RUNX1: variants seen among roughly 807,000 people sequenced by gnomAD.
RUNX1 encodes RUNX family transcription factor 1.
A neutral mutation model predicts 42.8 loss-of-function variants in RUNX1; 19 were observed. The ratio of observed to expected loss-of-function variants is 0.44; its 90% CI spans 0.31 to 0.65. The LOEUF (loss-of-function observed/expected upper bound fraction) is 0.65. Among genes scored for constraint, RUNX1 ranks in the 30% least tolerant of loss-of-function variants. The pLI, the probability that RUNX1 is intolerant of heterozygous loss-of-function variation, is 0.07. For synonymous variants in RUNX1, 271 were observed against 289.4 expected, an observed-to-expected ratio of 0.94 and a Z score of 0.64; for missense variants, 528 against 672.0, an observed-to-expected ratio of 0.79 and a Z score of 2.37.
intron 2 of RUNX1, among the ~76,000 whole-genome samples, chr21:34,983,127 G>A (rs974574589): frequency 6.6e-6 from 1 of 152,152 alleles, no homozygotes; most frequent in African/African-American, 2.4e-5. Context: ...ACCAGCAAGC[G>A]CATGAGGTAG....
At chr21:34,856,589 T>G in intron 6 of RUNX1, 1 of 380,320 alleles carries the variant, frequency 2.6e-6, no homozygotes, top group African/African-American at 2.1e-5. Flanking sequence ...CATCATCAAC[T>G]ATCTCTTTTA....
chr21:35,010,165 A>G (rs1350390384), intron 2 of RUNX1, among the ~76,000 whole-genome samples: 2 of 151,956 alleles, frequency 1.3e-5, no homozygotes, highest in Non-Finnish European at 2.9e-5. Flanking sequence ...AAGGCATACA[A>G]AACCATATTG....
intron 7 of RUNX1, among the ~76,000 whole-genome samples, chr21:34,824,750 A>G (rs2056963570): frequency 6.6e-6 from 1 of 152,196 alleles, no homozygotes; most frequent in Non-Finnish European, 1.5e-5. Context: ...CAGGTAATGA[A>G]AGTCCCTCCG....
intron 2 of RUNX1, among the ~76,000 whole-genome samples, chr21:34,972,228 G>A (rs956710912): frequency 2.6e-5 from 4 of 152,010 alleles, no homozygotes; most frequent in African/African-American, 9.7e-5. Flanking sequence ...GACCACTGGG[G>A]GCCTTGAATT....
intron 5 of RUNX1, among the ~76,000 whole-genome samples, chr21:34,867,590 G>A (rs2146284046): frequency 6.6e-6 from 1 of 152,348 alleles, no homozygotes; most frequent in East Asian, 1.9e-4. Context: ...GTTTGCAAAA[G>A]GAGTGGAGGG....
In RUNX1 at chr21:34,792,318, G is replaced by GCCC; in HGVS notation, c.1257_1259dup (p.Gly421dup). On this transcript the variant is annotated inframe_insertion, in exon 9 of 9. Coordinates refer to ENST00000675419, the MANE Select transcript of RUNX1 (RefSeq NM_001754.5). This position sits in a 1 kb window ranked among gnomAD's most constrained non-coding sequence, Gnocchi z 6.9. ...GGATGCGCGGCGGCGAGCGCTCGCC[G>GCCC]CCCACCATGGAGAACTGGTAGGAGC... The GCCC allele has an allele frequency of 1.4e-6, 2 of 1,470,116 alleles. No individual in the cohort carries two copies. Among genetic ancestry groups the GCCC allele is most frequent in the Non-Finnish European group, 9.1e-7 (1 of 1,099,458 alleles). The allele number at this position is 1,470,116 out of a possible 1,614,324, so 91.1% of individuals were successfully genotyped here.
chr21:34,961,742 A>C (rs923305682), intron 2 of RUNX1, among the ~76,000 whole-genome samples: 2 of 152,174 alleles, frequency 1.3e-5, no homozygotes, highest in African/African-American at 2.4e-5. Flanking sequence ...TTGCCAAATA[A>C]ATTTTCCATA....
At chr21:35,004,555 C>G (rs534602378) in intron 2 of RUNX1, among the ~76,000 whole-genome samples, 3 of 152,178 alleles carry the variant, frequency 2.0e-5, no homozygotes, top group Non-Finnish European at 4.4e-5. Flanking sequence ...AAAGCTTACA[C>G]TAGAACCTGG....
At chr21:35,001,084 A>G (rs1450691240) in intron 2 of RUNX1, among the ~76,000 whole-genome samples, 1 of 152,098 alleles carries the variant, frequency 6.6e-6, no homozygotes, top group African/African-American at 2.4e-5. Context: ...CGTTCCCTCC[A>G]TCTACCAGTC....
intron 4 of RUNX1, among the ~76,000 whole-genome samples, chr21:34,883,185 A>G (rs2057931232): frequency 6.6e-6 from 1 of 152,222 alleles, no homozygotes; most frequent in Admixed American, 6.5e-5. Context: ...GCTAAATAAG[A>G]AAAGGCTGTT....
chr21:34,947,285 C>T (rs557797237), intron 2 of RUNX1, among the ~76,000 whole-genome samples: 3 of 152,084 alleles, frequency 2.0e-5, no homozygotes, highest in Non-Finnish European at 4.4e-5. Flanking sequence ...TTTTTGGCTA[C>T]CATTACTCTC....
chr21:34,912,306 A>G (rs1421010618), intron 2 of RUNX1, among the ~76,000 whole-genome samples: 2 of 150,972 alleles, frequency 1.3e-5, no homozygotes, highest in Admixed American at 6.6e-5. Flanking sequence ...CTCTTCTATC[A>G]CTGGGTGGCA....
chr21:34,794,523 T>C (rs1204225590), intron 8 of RUNX1, among the ~76,000 whole-genome samples: 1 of 152,200 alleles, frequency 6.6e-6, no homozygotes, highest in East Asian at 1.9e-4. Flanking sequence ...CATGTGGAAA[T>C]TTTACCAGAA....
At chr21:34,883,524 T>G (rs13053063) in intron 4 of RUNX1, among the ~76,000 whole-genome samples, 25,197 of 152,142 alleles carry the variant, frequency 0.17, 2,928 homozygotes, top group African/African-American at 0.32. Flanking sequence ...TGTAAAAATA[T>G]CTAACTTCAA....
At chr21:34,989,014 C>CTT (rs1555912714) in intron 2 of RUNX1, among the ~76,000 whole-genome samples, 1 of 145,854 alleles carries the variant, frequency 6.9e-6, no homozygotes, top group Non-Finnish European at 1.5e-5. Flanking sequence ...CTCTCTCTCT[C>CTT]TTTTTTTTTT....
chr21:34,815,098 C>G (rs972470517), intron 7 of RUNX1, among the ~76,000 whole-genome samples: 3 of 152,076 alleles, frequency 2.0e-5, no homozygotes, highest in African/African-American at 7.2e-5. Context: ...GCAAACCAGT[C>G]TCAACAGCAC....
chr21:34,912,015 C>T (rs534736260), intron 2 of RUNX1, among the ~76,000 whole-genome samples: 1 of 151,780 alleles, frequency 6.6e-6, no homozygotes, highest in South Asian at 2.1e-4. Flanking sequence ...TATTTGATTT[C>T]TGTGTTTATG....
chr21:34,856,305 T>C, intron 6 of RUNX1: 1 of 515,468 alleles, frequency 1.9e-6, no homozygotes, highest in Non-Finnish European at 3.9e-6. Context: ...ATACCTCAAG[T>C]CAAAGGCTCC....
chr21:34,952,668 C>T lies in RUNX1; in HGVS notation c.59-59705G>A, dbSNP rs368720338. 3.3e-5 allele frequency among the ~76,000 whole-genome samples: 5 copies of T among 152,250 alleles called. No homozygotes were observed. In the East Asian group the frequency reaches 7.7e-4, roughly 23 times the overall value. On this transcript the variant is annotated intron_variant, in intron 2 of 8. Transcript: ENST00000675419. ...TCTAGAAGGTAAAAAATAATGTTCTCATTTTACAGAAAAAGAAATTGATAT... is the reference window on the plus strand; with the variant it reads ...TCTAGAAGGTAAAAAATAATGTTCTTATTTTACAGAAAAAGAAATTGATAT...
Sources: allele counts gnomAD v4.1 joint callset (sites outside exome capture counted in the v4.1 genomes callset), GRCh38; gene constraint gnomAD v4.1.1; non-coding constraint Gnocchi (gnomAD v3.1); transcripts MANE v1.5; gene names NCBI Gene and HGNC (gene_info 2026-07-23, HGNC 2026-07-21).